PAPPA: variants seen among roughly 807,000 people sequenced by gnomAD.
The protein encoded by PAPPA is pappalysin 1, also known as pappalysin-1.
A neutral mutation model predicts 164.0 loss-of-function variants in PAPPA; 60 were observed. The observed-to-expected ratio is 0.37, with a 90% CI of 0.30 to 0.45. The LOEUF (loss-of-function observed/expected upper bound fraction) is 0.45. Among genes scored for constraint, PAPPA ranks in the 20% least tolerant of loss-of-function variants. The probability of loss-of-function intolerance (pLI) is 1.00; values close to 1 mark genes in which losing one functional copy is unlikely to be tolerated. For missense variants in PAPPA, 1,782 were observed against 2,087.3 expected, an observed-to-expected ratio of 0.85 and a Z score of 2.85; for synonymous variants, 875 against 814.1, an observed-to-expected ratio of 1.07 and a Z score of -1.27.
At chr9:116,325,659 G>T (rs1202577569) in intron 10 of PAPPA, among the ~76,000 whole-genome samples, 3 of 152,132 alleles carry the variant, frequency 2.0e-5, no homozygotes, top group Admixed American at 1.3e-4. Flanking sequence ...CATCTGCCCA[G>T]CTTCCATAAA....
chr9:116,340,440 T>C (rs1379556497), intron 13 of PAPPA, among the ~76,000 whole-genome samples: 1 of 152,236 alleles, frequency 6.6e-6, no homozygotes, highest in African/African-American at 2.4e-5. Flanking sequence ...TGAGTGCCCT[T>C]GGGCAAGCAA....
At chr9:116,218,403 G>A (rs934965225) in intron 4 of PAPPA, among the ~76,000 whole-genome samples, 1 of 152,198 alleles carries the variant, frequency 6.6e-6, no homozygotes, top group Non-Finnish European at 1.5e-5. Context: ...AAGATTGGAA[G>A]AGCCCTGTAC....
intron 5 of PAPPA, among the ~76,000 whole-genome samples, chr9:116,221,859 G>A (rs1844450825): frequency 6.6e-6 from 1 of 152,206 alleles, no homozygotes; most frequent in South Asian, 2.1e-4. Context: ...CAACAGCTAT[G>A]TAGAAGAAAT....
chr9:116,339,613 T>C (rs963138345), intron 13 of PAPPA, among the ~76,000 whole-genome samples: 3 of 152,206 alleles, frequency 2.0e-5, no homozygotes, highest in Admixed American at 2.0e-4. Flanking sequence ...CTCCATTTTC[T>C]AGTGTGGAGC....
chr9:116,393,326 A>G (rs1256568390), intron 21 of PAPPA, among the ~76,000 whole-genome samples: 1 of 152,210 alleles, frequency 6.6e-6, no homozygotes, highest in Non-Finnish European at 1.5e-5. Flanking sequence ...TAGGCAGGGA[A>G]ACAAGCTCAG....
Position 116,338,737 on chromosome 9 carries a change from A to G in PAPPA, c.3611+3663A>G, listed in dbSNP as rs1846096326. Reference sequence around the variant, plus strand: ...CCTAAGCATGTGTGTGTCTTTGACTATGCCAAATACTGCCTGACTCTTCTC... The same window carrying G: ...CCTAAGCATGTGTGTGTCTTTGACTGTGCCAAATACTGCCTGACTCTTCTC... On this transcript the variant is annotated intron_variant, in intron 13 of 21. Transcript: ENST00000328252. Among the ~76,000 whole-genome samples, 3 of 152,248 alleles carry G rather than the reference A, an allele frequency of 2.0e-5. No individual in the cohort carries two copies. In the South Asian group the frequency reaches 6.2e-4, roughly 32 times the overall value.
At position 116,309,273 on chromosome 9, in the gene PAPPA, A is replaced by ACCATGTTG. The variant is rs527285361; in HGVS notation, c.3147+6324_3147+6331dup. On this transcript the variant is annotated intron_variant, in intron 10 of 21. Transcript: ENST00000328252. ...GTATTTTTAGTAGAGATGGGGTTTC[A>ACCATGTTG]CCATGTTGGTCAGGCTGGTCTCAAA... 2.6e-5 allele frequency among the ~76,000 whole-genome samples: 4 copies of ACCATGTTG among 152,076 alleles called. No individual in the cohort carries two copies. In the South Asian group the frequency reaches 8.3e-4, roughly 32 times the overall value.
chr9:116,198,086 T>C (rs766422159), intron 2 of PAPPA, among the ~76,000 whole-genome samples: 8 of 152,220 alleles, frequency 5.3e-5, no homozygotes, highest in Non-Finnish European at 8.8e-5. Context: ...TAGTAAGTTG[T>C]GCATATTCAC....
chr9:116,192,344 CAT>C (rs1396141129), intron 2 of PAPPA, among the ~76,000 whole-genome samples: 1 of 152,042 alleles, frequency 6.6e-6, no homozygotes, highest in Non-Finnish European at 1.5e-5. Context: ...TAGAAGAGAG[CAT>C]GGAGTTTAAG....
intron 9 of PAPPA, among the ~76,000 whole-genome samples, chr9:116,279,445 C>T (rs976329398): frequency 5.9e-5 from 9 of 152,020 alleles, no homozygotes; most frequent in Non-Finnish European, 1.0e-4. Context: ...TTTGGAAACC[C>T]GGGAGGCCTA....
At chr9:116,342,751 T>C (rs1314718660) in intron 13 of PAPPA, among the ~76,000 whole-genome samples, 1 of 152,120 alleles carries the variant, frequency 6.6e-6, no homozygotes, top group Non-Finnish European at 1.5e-5. Context: ...AATAGGAACA[T>C]AAAAGCCTTG....
chr9:116,232,181 C>T (rs1416997397), intron 6 of PAPPA, among the ~76,000 whole-genome samples: 2 of 152,172 alleles, frequency 1.3e-5, no homozygotes, highest in Non-Finnish European at 2.9e-5. Context: ...ACTTCACAAT[C>T]TTGGTTCTAC....
chr9:116,283,870 A>G (rs1225040178), intron 9 of PAPPA, among the ~76,000 whole-genome samples: 1 of 150,404 alleles, frequency 6.6e-6, no homozygotes, highest in Non-Finnish European at 1.5e-5. Context: ...GAGAACTTCT[A>G]AAGGGACAGG....
At position 116,186,206 on chromosome 9, in the gene PAPPA, A is replaced by ATGTG. The variant is rs3037575; in HGVS notation, c.416-920_416-917dup. 2.2e-3 allele frequency among the ~76,000 whole-genome samples: 323 copies of ATGTG among 145,222 alleles called. 1 individual carries two copies. The highest frequency in any genetic ancestry group is 6.9e-3 in the East Asian group (34 of 4,942). ...TTTATGTTAAGAAGGCACTCATTATATGTGTGTGTGTGTGTGTGTGTGTGT... is the reference window on the plus strand; with the variant it reads ...TTTATGTTAAGAAGGCACTCATTATATGTGTGTGTGTGTGTGTGTGTGTGTGTGT... On this transcript the variant is annotated intron_variant, in intron 1 of 21. Transcript: ENST00000328252.
At chr9:116,212,400 C>T (rs144258112) in intron 4 of PAPPA, among the ~76,000 whole-genome samples, 252 of 152,132 alleles carry the variant, frequency 1.7e-3, no homozygotes, top group African/African-American at 5.8e-3. Flanking sequence ...TAGGGGATGC[C>T]CTGCACTTCC....
Position 116,154,575 on chromosome 9 carries a change from G to A in PAPPA, c.403G>A (p.Ala135Thr), listed in dbSNP as rs976731585. 6 of 1,390,506 alleles carry A rather than the reference G, an allele frequency of 4.3e-6. No individual in the cohort carries two copies. In the Admixed American group the frequency reaches 1.7e-4, roughly 39 times the overall value. 86.1% of individuals were successfully genotyped at this position (1,390,506 alleles called of 1,614,324 possible). ...AGCGGAGGGGGGCCAGAGGTCTCCGGCAGTGATCACAGGTAGGTGAGGGCG... is the reference window on the plus strand; with the variant it reads ...AGCGGAGGGGGGCCAGAGGTCTCCGACAGTGATCACAGGTAGGTGAGGGCG... ...LRAEGGQRSP[A>T]VITGLYDKCS... The change falls in exon 1 of 22, where the codon GCA (alanine) becomes ACA (threonine). Residue 135 changes from alanine (A) to threonine (T), a missense_variant. Ala to Thr is a moderately conservative substitution (Grantham distance 58, BLOSUM62 0). Around this residue, in one of 2 missense-constraint regions of PAPPA, gnomAD observed 458 missense variants for 430.3 expected, o/e 1.06. Transcript: ENST00000328252. The surrounding 1 kb of genome is among the most constrained non-coding windows in gnomAD (Gnocchi z 5.2).
intron 21 of PAPPA, among the ~76,000 whole-genome samples, chr9:116,395,672 T>C (rs188184062): frequency 6.6e-6 from 1 of 152,346 alleles, no homozygotes; most frequent in African/African-American, 2.4e-5. Context: ...ACAGAGCACA[T>C]GAAGGAACGA....
chr9:116,319,145 G>A (rs1004222454), intron 10 of PAPPA, among the ~76,000 whole-genome samples: 22 of 152,324 alleles, frequency 1.4e-4, no homozygotes, highest in African/African-American at 4.8e-4. Flanking sequence ...GGGCCTGGGC[G>A]ACTAGTGAAT....
rs543533111 is a variant in PAPPA at position 116,208,768 on chromosome 9, T to G, written c.1624+1167T>G. The stretch of plus-strand genomic sequence containing the variant: ...GTTTTGCTCAATGAAACCATAGACT[T>G]AGTTCCCTCCAGACGACTCTCATTT... On this transcript the variant is annotated intron_variant, in intron 3 of 21. Coordinates refer to ENST00000328252, the MANE Select transcript of PAPPA (RefSeq NM_002581.5). Among the ~76,000 whole-genome samples, 5 of 152,276 alleles carry G rather than the reference T, an allele frequency of 3.3e-5. No individual in the cohort carries two copies. In the East Asian group the frequency reaches 9.6e-4, roughly 29 times the overall value.
Sources: allele counts gnomAD v4.1 joint callset (sites outside exome capture counted in the v4.1 genomes callset), GRCh38; gene constraint gnomAD v4.1.1; regional missense constraint gnomAD v4.1.1; non-coding constraint Gnocchi (gnomAD v3.1); transcripts MANE v1.5; gene names NCBI Gene and HGNC (gene_info 2026-07-23, HGNC 2026-07-21).